Variants in HIBADH observed in about 807,000 individuals in gnomAD.
The protein encoded by HIBADH is 3-hydroxyisobutyrate dehydrogenase, mitochondrial.
A neutral mutation model predicts 36.1 loss-of-function variants in HIBADH; 25 were observed. That is an observed-to-expected ratio of 0.69 (90% CI 0.50 to 0.97). The LOEUF is 0.97. Among genes scored for constraint, HIBADH ranks in the 50% least tolerant of loss-of-function variants. HIBADH has a pLI of 0.00. For synonymous variants in HIBADH, 160 were observed against 149.5 expected (o/e 1.07, Z -0.51); for missense variants, 421 against 418.0 (o/e 1.01, Z -0.06).
In HIBADH at chr7:27,662,703, G is replaced by A. The variant is rs1230742618; in HGVS notation, c.86C>T (p.Ala29Val). ...RRLRPAAGSFAAVCSRSVASK... is the reference protein window; with the variant it reads ...RRLRPAAGSFVAVCSRSVASK... ...AGGAGGCGTGAGGTCCTTACCCGCT[G>A]CAAAGCTGCCGGCTGCCGGCCGCAG... Residue 29 changes from alanine (A) to valine (V), a missense_variant, in exon 1 of 8, where the codon GCA becomes GTA. Physicochemically the swap from Ala to Val is moderately conservative, Grantham distance 64 (BLOSUM62 0). Transcript: ENST00000265395. The A allele has an allele frequency of 5.1e-6, 7 of 1,361,684 alleles. No homozygotes were observed. The highest frequency in any genetic ancestry group is 6.7e-6 in the Non-Finnish European group (7 of 1,050,516). The allele number at this position is 1,361,684 out of a possible 1,614,324, so 84.4% of individuals were successfully genotyped here.
intron 2 of HIBADH, among the ~76,000 whole-genome samples, chr7:27,645,633 C>T (rs751453152): frequency 4.6e-5 from 7 of 151,950 alleles, no homozygotes; most frequent in Admixed American, 2.0e-4. Context: ...CCACCTGCCT[C>T]GGCCTCCCAA....
At chr7:27,561,614 TA>T (rs1418893878) in intron 4 of HIBADH, among the ~76,000 whole-genome samples, 3 of 152,170 alleles carry the variant, frequency 2.0e-5, no homozygotes, top group Non-Finnish European at 4.4e-5. Flanking sequence ...TATGAGGTTC[TA>T]CATGTGTCCA....
intron 4 of HIBADH, among the ~76,000 whole-genome samples, chr7:27,573,234 T>C (rs1482949018): frequency 6.6e-6 from 1 of 152,244 alleles, no homozygotes; most frequent in African/African-American, 2.4e-5. Context: ...CTTTGAATAC[T>C]ATCTCTTCTT....
chr7:27,642,425 C>T (rs543225344), intron 2 of HIBADH, among the ~76,000 whole-genome samples: 15 of 152,146 alleles, frequency 9.9e-5, no homozygotes, highest in Admixed American at 2.6e-4. Context: ...TAAGACATAT[C>T]CAACACCTCG....
chr7:27,586,163 A>G (rs1784858475), intron 4 of HIBADH, among the ~76,000 whole-genome samples: 1 of 152,248 alleles, frequency 6.6e-6, no homozygotes, highest in African/African-American at 2.4e-5. Flanking sequence ...CTACAAAAGC[A>G]AATATGCCCT....
intron 4 of HIBADH, among the ~76,000 whole-genome samples, chr7:27,617,086 C>T (rs62454875): frequency 2.6e-5 from 4 of 151,774 alleles, no homozygotes; most frequent in Admixed American, 6.6e-5. Flanking sequence ...ATTCACTCAC[C>T]GACTCATCCA....
intron 4 of HIBADH, among the ~76,000 whole-genome samples, chr7:27,599,873 T>C (rs750582157): frequency 6.6e-6 from 1 of 151,882 alleles, no homozygotes; most frequent in Non-Finnish European, 1.5e-5. Context: ...ATATATTGTC[T>C]TATAATCACA....
rs1388415399 is a variant in HIBADH at position 27,526,442 on chromosome 7, T to C, written c.853-70A>G. 17 of 1,254,748 alleles carry C rather than the reference T, an allele frequency of 1.4e-5. No homozygotes were observed. The South Asian group carries it at 1.7e-4, about 13-fold the overall frequency. 77.7% of individuals were successfully genotyped at this position (1,254,748 alleles called of 1,614,324 possible). A position where few individuals can be genotyped will look rare whatever the true frequency, so the allele number is the denominator to read the frequency against. On this transcript the variant is annotated intron_variant, in intron 7 of 7. Coordinates refer to ENST00000265395, the MANE Select transcript of HIBADH (RefSeq NM_152740.4). ...GGCTCTTTGGAACTGTGGTTCCTTA[T>C]GTTTTGGTTTGAAAGAAGGAAAAAT...
intron 4 of HIBADH, among the ~76,000 whole-genome samples, chr7:27,616,345 A>C (rs930570383): frequency 6.6e-6 from 1 of 152,166 alleles, no homozygotes; most frequent in Admixed American, 6.5e-5. Flanking sequence ...TCAAATTTCA[A>C]CATGAGGTCT....
chr7:27,622,579 CAAATG>C (rs901535418), intron 4 of HIBADH, among the ~76,000 whole-genome samples: 3 of 151,876 alleles, frequency 2.0e-5, no homozygotes, highest in African/African-American at 7.2e-5. Flanking sequence ...CAAATAAAAT[CAAATG>C]AAAAATGACA....
intron 5 of HIBADH, chr7:27,541,657 A>G: frequency 2.7e-6 from 1 of 369,350 alleles, no homozygotes; most frequent in Non-Finnish European, 5.1e-6. Context: ...TTTTTCTTGT[A>G]ATGTCATGAC....
At chr7:27,578,217 A>G (rs1784741690) in intron 4 of HIBADH, among the ~76,000 whole-genome samples, 1 of 152,204 alleles carries the variant, frequency 6.6e-6, no homozygotes, top group African/African-American at 2.4e-5. Context: ...TTGAAGATAC[A>G]TTATTTTATA....
In HIBADH at chr7:27,526,264, T is replaced by C; in HGVS notation, c.961A>G (p.Lys321Glu). ...RMMCAKGYSK[K>E]DFSSVFQFLR... Reference sequence around the variant, plus strand: ...AACTGGAACACGGATGAGAAGTCTTTCTTTGAGTAGCCCTTTGCACACATC... The same window carrying C: ...AACTGGAACACGGATGAGAAGTCTTCCTTTGAGTAGCCCTTTGCACACATC... Residue 321 changes from lysine (K) to glutamate (E), a missense_variant, in exon 8 of 8, where the codon AAA (lysine) becomes GAA (glutamate). By Grantham distance (56) the Lys-to-Glu change is moderately conservative. Transcript: ENST00000265395. 6.2e-7 allele frequency: 1 copy of C among 1,613,202 alleles called. No individual in the cohort carries two copies. The highest frequency in any genetic ancestry group is 8.5e-7 in the Non-Finnish European group (1 of 1,179,672).
intron 4 of HIBADH, among the ~76,000 whole-genome samples, chr7:27,555,302 C>CTT (rs3072856): frequency 0.3 from 37,705 of 127,170 alleles, 6,235 homozygotes; most frequent in Middle Eastern, 0.38. Flanking sequence ...TCTTGCTCTA[C>CTT]TTTTTTTTTT....
intron 2 of HIBADH, among the ~76,000 whole-genome samples, chr7:27,635,476 T>C (rs1313195311): frequency 6.6e-6 from 1 of 152,222 alleles, no homozygotes; most frequent in Non-Finnish European, 1.5e-5. Flanking sequence ...GTGTAAACTA[T>C]GTAACATCTC....
At chr7:27,571,624 G>A (rs1026692778) in intron 4 of HIBADH, among the ~76,000 whole-genome samples, 2 of 152,026 alleles carry the variant, frequency 1.3e-5, no homozygotes, top group African/African-American at 2.4e-5. Flanking sequence ...TTTTGTTTCT[G>A]TTGGCTTGTC....
chr7:27,662,711 GC>G lies in HIBADH; in HGVS notation c.77del (p.Gly26AlafsTer34). 1 of 1,369,540 alleles carries G rather than the reference GC, an allele frequency of 7.3e-7. No individual in the cohort carries two copies. The highest frequency in any genetic ancestry group is 1.7e-5 in the South Asian group (1 of 59,528). The allele number at this position is 1,369,540 out of a possible 1,614,324, so 84.8% of individuals were successfully genotyped here. ...TGAGGTCCTTACCCGCTGCAAAGCT[GC>G]CGGCTGCCGGCCGCAGCCGCCGGCT... is the stretch of plus-strand genomic sequence containing the variant. ...YWSRRLRPAA[G>X]SFAAVCSRSV... On this transcript the variant is annotated frameshift_variant, in exon 1 of 8. Transcript: ENST00000265395. LOFTEE classifies it high-confidence loss of function.
intron 2 of HIBADH, among the ~76,000 whole-genome samples, chr7:27,633,875 T>C (rs952418320): frequency 6.6e-6 from 1 of 152,198 alleles, no homozygotes; most frequent in Non-Finnish European, 1.5e-5. Flanking sequence ...TGAAGGGACA[T>C]GTAAGCATCT....
chr7:27,611,516 C>T (rs1317107142), intron 4 of HIBADH, among the ~76,000 whole-genome samples: 1 of 151,830 alleles, frequency 6.6e-6, no homozygotes, highest in East Asian at 1.9e-4. Context: ...ACACACCCAC[C>T]CACCCACACA....
Sources: allele counts gnomAD v4.1 joint callset (sites outside exome capture counted in the v4.1 genomes callset), GRCh38; gene constraint gnomAD v4.1.1; transcripts MANE v1.5; gene names NCBI Gene and HGNC (gene_info 2026-07-23, HGNC 2026-07-21).